The following NOTCH4 variants were observed in gnomAD, a reference collection of about 807,000 sequenced individuals.
NOTCH4 encodes notch receptor 4.
In NOTCH4, 138 loss-of-function variants were observed where a neutral mutation model predicts 189.0. That is an observed-to-expected ratio of 0.73 (90% confidence interval 0.64 to 0.84). The LOEUF (loss-of-function observed/expected upper bound fraction) is 0.84, where lower values mean the gene tolerates loss of function less well. Ranked by LOEUF, NOTCH4 falls within the 40% of genes least tolerant of loss-of-function variation. The pLI is 0.00. For missense variants in NOTCH4, 2,286 were observed against 2,605.4 expected, an observed-to-expected ratio of 0.88 and a Z score of 2.67; for synonymous variants, 942 against 1,032.8, an observed-to-expected ratio of 0.91 and a Z score of 1.69.
chr6:32,204,492 T>C lies in NOTCH4; in HGVS notation c.2866-103A>G. On this transcript the variant is annotated intron_variant, in intron 18 of 29. Coordinates refer to ENST00000375023, the MANE Select transcript of NOTCH4 (RefSeq NM_004557.4). ...TCTGTCCAGTCCCCCACCTTCCAGCTCAACAGCATCACTCAACTCACCATC... is the reference window on the plus strand; with the variant it reads ...TCTGTCCAGTCCCCCACCTTCCAGCCCAACAGCATCACTCAACTCACCATC... 4.7e-6 allele frequency: 6 copies of C among 1,265,382 alleles called. No individual in the cohort carries two copies. The South Asian group carries it at 8.6e-5, about 18-fold the overall frequency. The allele number at this position is 1,265,382 out of a possible 1,614,324, so 78.4% of individuals were successfully genotyped here.
rs199571791 is a variant in NOTCH4 at position 32,220,226 on chromosome 6, T to C, written c.1218A>G (p.Gln406=). The C allele has an allele frequency of 7.9e-5, 127 of 1,613,676 alleles. No homozygotes were observed. The highest frequency in any genetic ancestry group is 5.5e-4 in the Admixed American group (33 of 59,964). Residue 406 remains glutamine, a synonymous_variant, in exon 7 of 30, where the codon CAA becomes CAG. Coordinates refer to ENST00000375023, the MANE Select transcript of NOTCH4 (RefSeq NM_004557.4). Reference sequence around the variant, plus strand: ...AGCCTGTGAGGGGGTTGGTGCTGCATTGGGCATCCCCATGGCACGGCTGGC... The same window carrying C: ...AGCCTGTGAGGGGGTTGGTGCTGCACTGGGCATCCCCATGGCACGGCTGGC... The part of the protein sequence containing the change: ...CLSQPCHGDA[Q]CSTNPLTGST...
rs1032697075 is a variant in NOTCH4, at chr6:32,218,006, A to T, written c.1613T>A (p.Ile538Asn). 1 of 1,611,974 alleles carries T rather than the reference A, an allele frequency of 6.2e-7. No individual in the cohort carries two copies. Among genetic ancestry groups the T allele is most frequent in the South Asian group, 1.1e-5 (1 of 90,998 alleles). Reference protein sequence around the residue: ...CHDLLNGFQCICLPGFSGTRC... With the variant: ...CHDLLNGFQCNCLPGFSGTRC... ...GCATCTGTACTCACCAGGCAGGCAG[A>T]TGCACTGGAAGCCGTTGAGCAGGTC... is the stretch of plus-strand genomic sequence containing the variant. The change falls in exon 9 of 30, where the codon ATC becomes AAC. Residue 538 changes from isoleucine to asparagine, a missense_variant. By Grantham distance (149) the Ile-to-Asn change is moderately radical. Transcript: ENST00000375023.
At chr6:32,222,876 G>A in intron 2 of NOTCH4, 70 bp from the exon 3 acceptor site, 6 of 1,581,946 alleles carry the variant, frequency 3.8e-6, no homozygotes, top group Non-Finnish European at 5.2e-6. Flanking sequence ...TCCCTCCTCT[G>A]CCTTCATTTG....
Position 32,204,388 on chromosome 6 carries a change from C to T in NOTCH4, c.2867G>A (p.Cys956Tyr), listed in dbSNP as rs762922977. ...MAQPSGYLCQ[C>Y]APGYDGQNCS... The stretch of plus-strand genomic sequence containing the variant: ...GTTCTGTCCATCGTAGCCTGGGGCA[C>T]ACTGCAGACAAAGAGGATTAGACAG... The change falls in exon 19 of 30, where the codon TGT (cysteine) becomes TAT (tyrosine). Residue 956 changes from cysteine (C) to tyrosine (Y), a missense_variant and splice_region_variant. This residue lies in a region of NOTCH4 where 1,903 missense variants were observed against 2,261.9 expected (regional missense o/e 0.84). Transcript: ENST00000375023. The T allele has an allele frequency of 1.9e-6, 3 of 1,612,492 alleles. No individual in the cohort carries two copies. Among genetic ancestry groups the T allele is most frequent in the Non-Finnish European group, 2.5e-6 (3 of 1,179,684 alleles).
chr6:32,198,656 ACCT>A lies in NOTCH4; in HGVS notation c.4607_4609del (p.Glu1536del), dbSNP rs139494357. Reference sequence around the variant, plus strand: ...TTGCCCCAGCCCTTTCACCTGGCCCACCTCCTCTCCCTCCTCAGGGCCTGAGCA... The same window carrying A: ...TTGCCCCAGCCCTTTCACCTGGCCCACCTCTCCCTCCTCAGGGCCTGAGCA... On this transcript the variant is annotated inframe_deletion, in exon 25 of 30. Transcript: ENST00000375023. This position sits in a 1 kb window ranked among gnomAD's most constrained non-coding sequence, Gnocchi z 5.5. The A allele has an allele frequency of 1.3e-3, 2,032 of 1,611,434 alleles. 22 individuals carry two copies. In the African/African-American group the frequency reaches 0.024, roughly 19 times the overall value.
intron 18 of NOTCH4, among the ~76,000 whole-genome samples, chr6:32,209,927 A>T (rs1348706447): frequency 2.0e-5 from 3 of 151,972 alleles, no homozygotes; most frequent in Admixed American, 1.3e-4. Context: ...ACTCACATGT[A>T]CCCCATAGAT....
At position 32,215,507 on chromosome 6, in the gene NOTCH4, C is replaced by A. The variant is rs1303511965; in HGVS notation, c.1862-122G>T. 5.3e-6 allele frequency: 5 copies of A among 946,474 alleles called. No homozygotes were observed. The Admixed American group carries it at 1.2e-4, about 22-fold the overall frequency. The allele number at this position is 946,474 out of a possible 1,614,324, so 58.6% of individuals were successfully genotyped here. Reference sequence around the variant, plus strand: ...CTTGCCTTACTCACTCCCTATGAACCCATGAACCTGTCCTTCAATGGGTCC... The same window carrying A: ...CTTGCCTTACTCACTCCCTATGAACACATGAACCTGTCCTTCAATGGGTCC... On this transcript the variant is annotated intron_variant, in intron 11 of 29. Transcript: ENST00000375023.
In NOTCH4 at chr6:32,200,760, C is replaced by A. The variant is rs994275845; in HGVS notation, c.4315+71G>T. 14 of 1,303,738 alleles carry A rather than the reference C, an allele frequency of 1.1e-5. No homozygotes were observed. The Admixed American group carries it at 2.9e-4, about 27-fold the overall frequency. 80.8% of individuals were successfully genotyped at this position (1,303,738 alleles called of 1,614,324 possible). The stretch of plus-strand genomic sequence containing the variant: ...TCAGCTGTCCTGTTTGATTCAGCCT[C>A]CATTGCCTGTTGCTAGCATGAGAGC... On this transcript the variant is annotated intron_variant, in intron 23 of 29. Transcript: ENST00000375023. The surrounding 1 kb of genome is among the most constrained non-coding windows in gnomAD (Gnocchi z 5.0).
At chr6:32,214,748 C>T (rs533276884) in intron 12 of NOTCH4, among the ~76,000 whole-genome samples, 1 of 152,040 alleles carries the variant, frequency 6.6e-6, no homozygotes, top group African/African-American at 2.4e-5. Context: ...CCGCTTCAGC[C>T]TCCCAAGTAG....
At chr6:32,196,466 C>A (rs776531314) in intron 28 of NOTCH4, 45 bp from the exon 29 acceptor site, 4 of 1,601,598 alleles carry the variant, frequency 2.5e-6, no homozygotes, top group East Asian at 2.2e-5. Context: ...GGGGGCCAGA[C>A]GCCTGGGTTC....
rs115360806 is a variant in NOTCH4 at position 32,196,761 on chromosome 6, G to A, written c.5200+164C>T. On this transcript the variant is annotated intron_variant, in intron 28 of 29. Coordinates refer to ENST00000375023, the MANE Select transcript of NOTCH4 (RefSeq NM_004557.4). ...GTGTGGTGTTGAGGGTGGGAGTTGG[G>A]GGGGGAAACTCACGCGGCCCGTACT... is the stretch of plus-strand genomic sequence containing the variant. Among the ~76,000 whole-genome samples the A allele has an allele frequency of 6.6e-3, 1,000 of 152,246 alleles. 13 individuals carry two copies. The highest frequency in any genetic ancestry group is 0.023 in the African/African-American group (953 of 41,536).
Position 32,195,902 on chromosome 6 carries a change from G to A in NOTCH4, c.5547C>T (p.Ser1849=), listed in dbSNP as rs1288168450. Residue 1849 remains serine (S), a synonymous_variant, in exon 30 of 30, where the codon AGC becomes AGT. Coordinates refer to ENST00000375023, the MANE Select transcript of NOTCH4 (RefSeq NM_004557.4). This position sits in a 1 kb window ranked among gnomAD's most constrained non-coding sequence, Gnocchi z 5.4. The part of the protein sequence containing the change: ...PFPRARTVSV[S]VPPHGGGALP... ...GAGCCCCGCCCCCATGCGGGGGCAC[G>A]CTTACTGACACCGTCCGTGCGCGCG... is the stretch of plus-strand genomic sequence containing the variant. 6.3e-7 allele frequency: 1 copy of A among 1,587,716 alleles called. No homozygotes were observed. The highest frequency in any genetic ancestry group is 8.5e-7 in the Non-Finnish European group (1 of 1,174,594).
At chr6:32,220,372 C>T (rs762421771) in intron 6 of NOTCH4, 33 bp downstream of exon 6, 2 of 1,612,536 alleles carry the variant, frequency 1.2e-6, no homozygotes, top group Non-Finnish European at 1.7e-6. Context: ...TCCTTCTCTA[C>T]CTCCCACCTC....
Position 32,197,482 on chromosome 6 carries a change from C to T in NOTCH4, c.4869G>A (p.Gly1623=), listed in dbSNP as rs751988342. 6.3e-7 allele frequency: 1 copy of T among 1,598,654 alleles called. No homozygotes were observed. Among genetic ancestry groups the T allele is most frequent in the Non-Finnish European group, 8.5e-7 (1 of 1,172,304 alleles). Residue 1623 remains glycine, a synonymous_variant, in exon 27 of 30, where the codon GGG becomes GGA. Transcript: ENST00000375023. ...PEPWEPLLDG[G]ACPQAHTVGT... is the part of the protein sequence containing the mutation. ...CCACGGTGTGAGCCTGGGGACAGGC[C>T]CCTCCATCCAGCAGAGGTTCCCAGG...
chr6:32,213,708 C>T lies in NOTCH4; in HGVS notation c.2300G>A (p.Ser767Asn). Reference protein sequence around the residue: ...PSHTGPQCQTSTDYCVSAPCF... With the variant: ...PSHTGPQCQTNTDYCVSAPCF... ...CTCACCAGACACACAGTAGTCAGTGCTGGTTTGGCACTGGGGCCCTGTGTG... is the reference window on the plus strand; with the variant it reads ...CTCACCAGACACACAGTAGTCAGTGTTGGTTTGGCACTGGGGCCCTGTGTG... The change falls in exon 14 of 30, where the codon AGC becomes AAC. Residue 767 changes from serine (S) to asparagine (N), a missense_variant. By Grantham distance (46) the Ser-to-Asn change is conservative. This residue lies in a region of NOTCH4 where 1,903 missense variants were observed against 2,261.9 expected (regional missense o/e 0.84). Transcript: ENST00000375023. The T allele has an allele frequency of 6.2e-7, 1 of 1,612,968 alleles. No homozygotes were observed. The highest frequency in any genetic ancestry group is 2.2e-5 in the East Asian group (1 of 44,882).
chr6:32,196,834 T>G, intron 28 of NOTCH4, 91 bp downstream of exon 28: 1 of 1,460,582 alleles, frequency 6.8e-7, no homozygotes, highest in South Asian at 1.2e-5. Flanking sequence ...TGAGAGGGAA[T>G]GCCCCTCTGC....
chr6:32,196,213 C>A (rs747165626), intron 29 of NOTCH4, 63 bp from the exon 30 acceptor site: 1 of 1,604,398 alleles, frequency 6.2e-7, no homozygotes, highest in Non-Finnish European at 8.5e-7. Context: ...GGCCTTTCTG[C>A]CTTCACTTGC....
At position 32,198,492 on chromosome 6, in the gene NOTCH4, G is replaced by C. The variant is rs1408462819; in HGVS notation, c.4685C>G (p.Pro1562Arg). The C allele has an allele frequency of 6.2e-7, 1 of 1,612,976 alleles. No homozygotes were observed. The highest frequency in any genetic ancestry group is 8.5e-7 in the Non-Finnish European group (1 of 1,179,998). ...WSLSGGCGALPQAAMLTPPQE... is the reference protein window; with the variant it reads ...WSLSGGCGALRQAAMLTPPQE... Reference sequence around the variant, plus strand: ...GGGAGGAGTTAGCATGGCTGCCTGAGGGAGCGCCCCACAGCCACCACTCAG... The same window carrying C: ...GGGAGGAGTTAGCATGGCTGCCTGACGGAGCGCCCCACAGCCACCACTCAG... Residue 1562 changes from proline (P) to arginine (R), a missense_variant, in exon 26 of 30, where the codon CCT (proline) becomes CGT (arginine). Pro to Arg is a moderately radical substitution (Grantham distance 103). Coordinates refer to ENST00000375023, the MANE Select transcript of NOTCH4 (RefSeq NM_004557.4). The surrounding 1 kb of genome is among the most constrained non-coding windows in gnomAD (Gnocchi z 5.5).
Position 32,201,179 on chromosome 6 carries a change from A to G in NOTCH4, c.4077T>C (p.Tyr1359=). Residue 1359 remains tyrosine, a synonymous_variant, in exon 22 of 30, where the codon TAT becomes TAC. Coordinates refer to ENST00000375023, the MANE Select transcript of NOTCH4 (RefSeq NM_004557.4). This position sits in a 1 kb window ranked among gnomAD's most constrained non-coding sequence, Gnocchi z 5.5. ...EKLGGTRDPT[Y]QERAAPQTQP... ...GCGTTTGAGGGGCTGCTCTCTCCTG[A>G]TAGGTGGGGTCCCGAGTTCCTCCTA... 1.2e-6 allele frequency: 2 copies of G among 1,612,716 alleles called. No homozygotes were observed. Among genetic ancestry groups the G allele is most frequent in the Non-Finnish European group, 1.7e-6 (2 of 1,179,908 alleles).
Sources: allele counts gnomAD v4.1 joint callset (sites outside exome capture counted in the v4.1 genomes callset), GRCh38; gene constraint gnomAD v4.1.1; regional missense constraint gnomAD v4.1.1; non-coding constraint Gnocchi (gnomAD v3.1); transcripts MANE v1.5; gene names NCBI Gene and HGNC (gene_info 2026-07-23, HGNC 2026-07-21).